The following ANKRD2 variants were observed in gnomAD, a reference collection of about 807,000 sequenced individuals.
ANKRD2 encodes ankyrin repeat domain-containing protein 2.
In ANKRD2, 35 loss-of-function variants were observed where a neutral mutation model predicts 37.3. That is an observed-to-expected ratio of 0.94 (90% CI 0.72 to 1.24). ANKRD2 has a LOEUF of 1.24. Ranked by LOEUF, ANKRD2 falls within the 50% of genes most tolerant of loss-of-function variation. The pLI is 0.00. For synonymous variants in ANKRD2, 159 were observed against 186.5 expected (o/e 0.85, Z 1.20); for missense variants, 410 against 445.6 (o/e 0.92, Z 0.72).
At chr10:97,580,735 T>C (rs533660939) in intron 4 of ANKRD2, 120 bp from the exon 5 acceptor site, 2 of 713,526 alleles carry the variant, frequency 2.8e-6, no homozygotes, top group South Asian at 1.8e-5. Context: ...ACAGAAAACA[T>C]GGGGGCCAAG....
chr10:97,578,098 A>T, intron 2 of ANKRD2, 142 bp from the exon 3 acceptor site: 1 of 1,171,514 alleles, frequency 8.5e-7, no homozygotes, highest in Non-Finnish European at 1.2e-6. Flanking sequence ...CTAGGCCTGG[A>T]AGGAGGGATA....
intron 2 of ANKRD2, 109 bp downstream of exon 2, chr10:97,578,010 G>T: frequency 8.5e-7 from 1 of 1,173,066 alleles, no homozygotes; most frequent in Non-Finnish European, 1.2e-6. Context: ...AGCACCCCCG[G>T]TAGAGCTTGC....
rs148585391 is a variant in ANKRD2 at position 97,578,389 on chromosome 10, C to G, written c.339C>G (p.Pro113=). ...LAASHEPPPE[P]EEITGPVDEE... ...CCTCGCATGAGCCGCCCCCAGAGCC[C>G]GAGGAGATCGTAAGGGTCCTGGGGA... The change falls in exon 3 of 9, where the codon CCC becomes CCG. Residue 113 remains proline (P), a synonymous_variant. Transcript: ENST00000370655. 4.3e-6 allele frequency: 7 copies of G among 1,613,528 alleles called. No individual in the cohort carries two copies. Among genetic ancestry groups the G allele is most frequent in the East Asian group, 2.2e-5 (1 of 44,854 alleles).
chr10:97,576,230 C>A (rs1199087130), intron 1 of ANKRD2, among the ~76,000 whole-genome samples: 1 of 151,526 alleles, frequency 6.6e-6, no homozygotes, highest in African/African-American at 2.4e-5. Flanking sequence ...TCCTTCCCAG[C>A]TGCCACATTG....
chr10:97,579,419 A>C (rs2040869620), intron 4 of ANKRD2, among the ~76,000 whole-genome samples: 3 of 145,990 alleles, frequency 2.1e-5, no homozygotes, highest in South Asian at 2.2e-4. Context: ...CAATCCTCCC[A>C]CTTCAGCCTC....
intron 1 of ANKRD2, among the ~76,000 whole-genome samples, 163 bp from the exon 2 acceptor site, chr10:97,577,637 G>C (rs756952158): frequency 6.6e-6 from 1 of 152,158 alleles, no homozygotes; most frequent in Non-Finnish European, 1.5e-5. Context: ...CCTTTTGGGG[G>C]CCCCTCCAGG....
intron 8 of ANKRD2, 106 bp downstream of exon 8, chr10:97,582,808 G>T: frequency 1.1e-6 from 1 of 916,440 alleles, no homozygotes; most frequent in African/African-American, 1.6e-5. Flanking sequence ...TGTATCATTG[G>T]CTCTGGCCAG....
At chr10:97,576,887 G>C (rs182216861) in intron 1 of ANKRD2, among the ~76,000 whole-genome samples, 13 of 152,100 alleles carry the variant, frequency 8.5e-5, no homozygotes, top group Non-Finnish European at 1.3e-4. Flanking sequence ...AGTAGGGATG[G>C]GGTTTCACCA....
In ANKRD2 at chr10:97,580,930, G is replaced by A. The variant is rs1422553687; in HGVS notation, c.532G>A (p.Ala178Thr). ...EILEKLLDNG[A>T]TVDFQDRLDC... ...CCTGGAGAAGCTTCTAGATAATGGGGCCACTGTGGACTTCCAGGATCGGGT... is the reference window on the plus strand; with the variant it reads ...CCTGGAGAAGCTTCTAGATAATGGGACCACTGTGGACTTCCAGGATCGGGT... The change falls in exon 5 of 9, where the codon GCC becomes ACC. Residue 178 changes from alanine to threonine, a missense_variant. Ala to Thr is a moderately conservative substitution (Grantham distance 58). Transcript: ENST00000370655. 1 of 1,601,370 alleles carries A rather than the reference G, an allele frequency of 6.2e-7. No homozygotes were observed. Among genetic ancestry groups the A allele is most frequent in the Non-Finnish European group, 8.5e-7 (1 of 1,174,190 alleles).
upstream of ANKRD2, chr10:97,572,672 TGGGG>T: frequency 6.4e-7 from 1 of 1,574,212 alleles, no homozygotes; most frequent in Non-Finnish European, 8.6e-7. Flanking sequence ...AGGTGACAGG[TGGGG>T]GAGGCAGGTG....
chr10:97,583,137 G>A lies in ANKRD2; in HGVS notation c.852+435G>A, dbSNP rs534206364. 2.6e-5 allele frequency among the ~76,000 whole-genome samples: 4 copies of A among 152,294 alleles called. No individual in the cohort carries two copies. The East Asian group carries it at 7.7e-4, about 29-fold the overall frequency. On this transcript the variant is annotated intron_variant, in intron 8 of 8. Transcript: ENST00000370655. ...AGTCCTTGGAAGGGGAAGGTGCCCA[G>A]GGAACACCTTGGACTAGGGAACACT...
chr10:97,583,615 G>T lies in ANKRD2; in HGVS notation c.892G>T (p.Ala298Ser). The T allele has an allele frequency of 6.2e-7, 1 of 1,606,000 alleles. No homozygotes were observed. Among genetic ancestry groups the T allele is most frequent in the Non-Finnish European group, 8.5e-7 (1 of 1,176,904 alleles). The stretch of plus-strand genomic sequence containing the variant: ...GACGGACCTGGTGCAGCTCTGGCAG[G>T]CTGATACCCGGCACGCCCTGGAGCA... Reference protein sequence around the residue: ...TPTDLVQLWQADTRHALEHPE... With the variant: ...TPTDLVQLWQSDTRHALEHPE... The change falls in exon 9 of 9, where the codon GCT becomes TCT. Residue 298 changes from alanine to serine, a missense_variant. Transcript: ENST00000370655.
chr10:97,572,993 G>A (rs1403932658), intron 1 of ANKRD2, 118 bp downstream of exon 1: 12 of 1,309,304 alleles, frequency 9.2e-6, no homozygotes, highest in Non-Finnish European at 1.0e-5. Context: ...GTCCCCAGGG[G>A]CCCAGTTGGG....
intron 6 of ANKRD2, among the ~76,000 whole-genome samples, chr10:97,582,079 C>G (rs1021967957): frequency 6.6e-6 from 1 of 152,198 alleles, no homozygotes; most frequent in Non-Finnish European, 1.5e-5. Context: ...GAGTGAGCAG[C>G]TGGGTGAGAG....
chr10:97,577,408 A>G (rs754527105), intron 1 of ANKRD2, among the ~76,000 whole-genome samples: 7 of 152,222 alleles, frequency 4.6e-5, no homozygotes, highest in Non-Finnish European at 1.0e-4. Flanking sequence ...CTGGGACTAA[A>G]GGCTGGCACT....
intron 2 of ANKRD2, 76 bp from the exon 3 acceptor site, chr10:97,578,157 TCCCCACC>T: frequency 8.0e-6 from 2 of 251,108 alleles, no homozygotes; most frequent in African/African-American, 1.0e-4. Flanking sequence ...CACCCCACCC[TCCCCACC>T]AGCTTAGCTC....
intron 4 of ANKRD2, 54 bp downstream of exon 4, chr10:97,578,659 C>G: frequency 7.3e-7 from 1 of 1,361,268 alleles, no homozygotes; most frequent in South Asian, 1.4e-5. Context: ...CACCCCCACT[C>G]CGTTCGGCTC....
intron 1 of ANKRD2, among the ~76,000 whole-genome samples, chr10:97,575,204 C>T (rs2040810866): frequency 6.6e-6 from 1 of 152,158 alleles, no homozygotes; most frequent in African/African-American, 2.4e-5. Flanking sequence ...TTAGAGTCCC[C>T]AGTTGTCTCT....
chr10:97,575,011 C>A (rs2040807949), intron 1 of ANKRD2, among the ~76,000 whole-genome samples: 2 of 151,960 alleles, frequency 1.3e-5, no homozygotes, highest in African/African-American at 4.9e-5. Context: ...CTGTGCTAAG[C>A]ATTTTACAGG....
Sources: gnomAD v4.1 joint callset for allele counts (sites outside exome capture counted in the v4.1 genomes callset) on GRCh38, gnomAD v4.1.1 for gene constraint, MANE v1.5 for transcripts, NCBI Gene and HGNC (gene_info 2026-07-23, HGNC 2026-07-21) for gene names.